Variants in TFEC observed in about 807,000 individuals in gnomAD.
TFEC encodes class E basic helix-loop-helix protein 34.
Under a neutral mutation model 41.6 loss-of-function variants are expected in TFEC, and 31 were observed. The observed-to-expected ratio is 0.74, with a 90% CI of 0.56 to 1.01. The LOEUF (loss-of-function observed/expected upper bound fraction) is 1.01. Among genes scored for constraint, TFEC ranks in the 50% least tolerant of loss-of-function variants. The pLI, the probability that TFEC is intolerant of heterozygous loss-of-function variation, is 0.00. For missense variants in TFEC, 402 were observed against 404.1 expected, an observed-to-expected ratio of 0.99 and a Z score of 0.04; for synonymous variants, 143 against 140.6, an observed-to-expected ratio of 1.02 and a Z score of -0.12.
At chr7:116,074,209 T>A (rs1796900313) in intron 3 of TFEC, among the ~76,000 whole-genome samples, 2 of 151,540 alleles carry the variant, frequency 1.3e-5, no homozygotes, top group Non-Finnish European at 2.9e-5. Flanking sequence ...TGTATGTGTA[T>A]ATATGTGTGC....
At chr7:115,996,192 G>A (rs1312946448) in intron 1 of TFEC, among the ~76,000 whole-genome samples, 45 of 152,124 alleles carry the variant, frequency 3.0e-4, no homozygotes, top group Non-Finnish European at 7.3e-5. Context: ...TATGCTTGAG[G>A]AGGGGAAGGG....
At chr7:116,047,107 G>A (rs111484714) in intron 3 of TFEC, among the ~76,000 whole-genome samples, 3,050 of 152,290 alleles carry the variant, frequency 0.02, 91 homozygotes, top group African/African-American at 0.068. Flanking sequence ...GAGCGACGCA[G>A]AAGGCAGCTG....
upstream of TFEC, among the ~76,000 whole-genome samples, chr7:116,033,274 A>T (rs1369099710): frequency 6.6e-6 from 1 of 152,106 alleles, no homozygotes; most frequent in Non-Finnish European, 1.5e-5. Flanking sequence ...AATTTGGTTA[A>T]GAGTCAGACT....
chr7:115,990,102 C>A (rs565185042), intron 1 of TFEC, among the ~76,000 whole-genome samples: 1 of 152,286 alleles, frequency 6.6e-6, no homozygotes, highest in Non-Finnish European at 1.5e-5. Context: ...GCTGGTGATA[C>A]CAAGGAAAAC....
At chr7:116,054,837 C>G (rs1321071525) in intron 3 of TFEC, among the ~76,000 whole-genome samples, 1 of 152,044 alleles carries the variant, frequency 6.6e-6, no homozygotes, top group Non-Finnish European at 1.5e-5. Context: ...AACTCCTAAA[C>G]TGGATAAGAT....
At chr7:116,050,839 C>T (rs1464292619) in intron 3 of TFEC, among the ~76,000 whole-genome samples, 1 of 152,234 alleles carries the variant, frequency 6.6e-6, no homozygotes, top group African/African-American at 2.4e-5. Flanking sequence ...TATAAAGACA[C>T]ATGCACATGT....
At chr7:116,074,801 T>C (rs755066267) in intron 3 of TFEC, among the ~76,000 whole-genome samples, 2 of 152,170 alleles carry the variant, frequency 1.3e-5, no homozygotes, top group Non-Finnish European at 2.9e-5. Flanking sequence ...TATATATTCA[T>C]ACAAAAACTT....
chr7:115,995,790 G>A (rs745395589), intron 1 of TFEC, among the ~76,000 whole-genome samples: 3 of 152,078 alleles, frequency 2.0e-5, no homozygotes, highest in African/African-American at 4.8e-5. Context: ...AGAGTGCAGC[G>A]ACTGTGGAAC....
chr7:115,992,015 C>G (rs1035273083), intron 1 of TFEC, among the ~76,000 whole-genome samples: 4 of 152,152 alleles, frequency 2.6e-5, no homozygotes, highest in African/African-American at 7.2e-5. Context: ...TCTCTCAGAC[C>G]ACAGTGCAAT....
At chr7:116,131,646 C>A (rs947721954) in intron 1 of TFEC, among the ~76,000 whole-genome samples, 9 of 152,030 alleles carry the variant, frequency 5.9e-5, no homozygotes, top group Non-Finnish European at 1.3e-4. Flanking sequence ...TGTCCACTGT[C>A]TATATTTAAA....
At chr7:115,974,322 C>G (rs964666462) in intron 2 of TFEC, 66 bp from the exon 3 acceptor site, 1 of 1,258,266 alleles carries the variant, frequency 7.9e-7, no homozygotes, top group Non-Finnish European at 1.0e-6. Context: ...AGTCTGAAAA[C>G]AGAGAGAAAA....
intron 3 of TFEC, among the ~76,000 whole-genome samples, chr7:116,047,015 C>T (rs1235074498): frequency 6.6e-6 from 1 of 152,154 alleles, no homozygotes; most frequent in East Asian, 1.9e-4. Context: ...CTCCAGTAAA[C>T]ACTGTTCAAA....
chr7:115,983,697 C>T (rs2130670148), intron 2 of TFEC, among the ~76,000 whole-genome samples: 1 of 152,150 alleles, frequency 6.6e-6, no homozygotes, highest in South Asian at 2.1e-4. Flanking sequence ...GCTAAATACT[C>T]ATTTATTTTG....
At chr7:116,039,421 CTG>C (rs140778741) in intron 3 of TFEC, among the ~76,000 whole-genome samples, 23,761 of 144,024 alleles carry the variant, frequency 0.16, 2,721 homozygotes, top group African/African-American at 0.34. Context: ...AAAGAAAATT[CTG>C]TGTGTGTGTG....
intron 3 of TFEC, among the ~76,000 whole-genome samples, chr7:116,043,284 A>T (rs187480302): frequency 1.3e-5 from 2 of 152,236 alleles, no homozygotes; most frequent in East Asian, 3.9e-4. Flanking sequence ...TGAGTAAGAG[A>T]ACATTATTCT....
intron 3 of TFEC, among the ~76,000 whole-genome samples, chr7:116,089,006 T>C (rs1797264303): frequency 1.3e-5 from 2 of 152,070 alleles, no homozygotes; most frequent in African/African-American, 4.8e-5. Context: ...CTCCTATTAT[T>C]AATCTCCTTG....
intron 5 of TFEC, among the ~76,000 whole-genome samples, chr7:115,952,493 A>C (rs1443654815): frequency 1.3e-5 from 2 of 152,056 alleles, no homozygotes; most frequent in South Asian, 4.1e-4. Flanking sequence ...CTATGAAGGA[A>C]GTTCAGAGAT....
chr7:116,062,606 T>C (rs1402500541), intron 3 of TFEC, among the ~76,000 whole-genome samples: 1 of 138,698 alleles, frequency 7.2e-6, no homozygotes, highest in Non-Finnish European at 1.6e-5. Flanking sequence ...TATATCACAT[T>C]TTTTTACTTG....
At chr7:116,048,477 C>T (rs1796226513) in intron 3 of TFEC, among the ~76,000 whole-genome samples, 1 of 152,134 alleles carries the variant, frequency 6.6e-6, no homozygotes, top group Non-Finnish European at 1.5e-5. Flanking sequence ...AATATGGGAT[C>T]ACATGAAAAG....
Sources: gnomAD v4.1 joint callset for allele counts (sites outside exome capture counted in the v4.1 genomes callset) on GRCh38, gnomAD v4.1.1 for gene constraint, MANE v1.5 for transcripts, NCBI Gene and HGNC (gene_info 2026-07-23, HGNC 2026-07-21) for gene names.